Variants in PCSK4 observed in about 807,000 individuals in gnomAD.
PCSK4 encodes the protein testicular tissue protein Li 135.
PCSK4 carries 64 observed loss-of-function variants against 80.3 expected under a neutral mutation model. The observed-to-expected ratio is 0.80, with a 90% CI of 0.65 to 0.98. PCSK4 has a LOEUF of 0.98. PCSK4 is among the 50% of genes least tolerant of loss of function. PCSK4 has a pLI of 0.00. For synonymous variants in PCSK4, 561 were observed against 487.6 expected, an observed-to-expected ratio of 1.15 and a Z score of -1.98; for missense variants, 1,213 against 1,093.6, an observed-to-expected ratio of 1.11 and a Z score of -1.54.
rs775882940 is a variant in PCSK4 at position 1,482,193 on chromosome 19, C to T, written c.1834G>A (p.Ala612Thr). ...AGGCAGAGCTGTCCCAGGATGTAGGCGGGGCCGTCACACGCTGCTCGGGGA... is the reference window on the plus strand; with the variant it reads ...AGGCAGAGCTGTCCCAGGATGTAGGTGGGGCCGTCACACGCTGCTCGGGGA... The change falls in exon 15 of 15, where the codon GCC becomes ACC. Residue 612 changes from alanine (A) to threonine (T), a missense_variant. Ala to Thr is a moderately conservative substitution (Grantham distance 58). Transcript: ENST00000300954. 5.4e-5 allele frequency: 84 copies of T among 1,542,498 alleles called. No individual in the cohort carries two copies. In the African/African-American group the frequency reaches 7.4e-4, roughly 14 times the overall value.
intron 9 of PCSK4, 39 bp downstream of exon 9, chr19:1,483,988 G>T: frequency 6.8e-7 from 1 of 1,478,292 alleles, no homozygotes; most frequent in Non-Finnish European, 9.0e-7. Flanking sequence ...GGCCGCGCCT[G>T]GGGGCGAGGG....
At chr19:1,488,338 G>A in intron 2 of PCSK4, 58 bp from the exon 3 acceptor site, 17 of 1,354,650 alleles carry the variant, frequency 1.3e-5, no homozygotes, top group Non-Finnish European at 1.2e-5. Flanking sequence ...GCCCCTCGTG[G>A]TTCAGGGAGT....
chr19:1,482,061 A>C, exon 15 of PCSK4: 1 of 1,556,498 alleles, frequency 6.4e-7, no homozygotes, highest in South Asian at 1.2e-5. Flanking sequence ...CAGGTGTAGC[A>C]GGAGGCATGG....
chr19:1,483,635 G>T lies in PCSK4; in HGVS notation c.1391+15C>A. ...CCCCCAGCGGGGATAGCGGAGGGGC[G>T]CGCAGGGGTCTCACGTGGGGCGGCT... On this transcript the variant is annotated intron_variant, in intron 11 of 14. Coordinates refer to ENST00000300954, the Ensembl canonical transcript of PCSK4. The T allele has an allele frequency of 6.4e-7, 1 of 1,559,974 alleles. No individual in the cohort carries two copies. The highest frequency in any genetic ancestry group is 8.7e-7 in the Non-Finnish European group (1 of 1,153,608).
At chr19:1,485,109 C>G (rs560687298) in intron 8 of PCSK4, among the ~76,000 whole-genome samples, 1 of 152,014 alleles carries the variant, frequency 6.6e-6, no homozygotes, top group East Asian at 1.9e-4. Flanking sequence ...GATTGCACCA[C>G]TGCACTCCAA....
At chr19:1,488,441 C>T (rs962585095) in intron 2 of PCSK4, among the ~76,000 whole-genome samples, 161 bp from the exon 3 acceptor site, 16 of 152,198 alleles carry the variant, frequency 1.1e-4, no homozygotes, top group African/African-American at 1.7e-4. Flanking sequence ...CGGAAGGGGT[C>T]GAGGCTTTTG....
chr19:1,483,091 G>T (rs2145330455), intron 12 of PCSK4, 71 bp from the exon 13 acceptor site: 3 of 1,416,602 alleles, frequency 2.1e-6, no homozygotes, highest in East Asian at 4.9e-5. Flanking sequence ...AGAGCCCCAT[G>T]AAGTGTCTGA....
chr19:1,487,205 T>C (rs1367249470), exon 7 of PCSK4: 2 of 1,608,142 alleles, frequency 1.2e-6, no homozygotes, highest in Admixed American at 3.3e-5. Context: ...CGTGCGGCCG[T>C]CGTCCTCGGG....
chr19:1,482,089 C>T (rs773305425), exon 15 of PCSK4: 1 of 1,550,960 alleles, frequency 6.4e-7, no homozygotes, highest in Non-Finnish European at 8.7e-7. Context: ...AGCAGACCCT[C>T]AGCGCGGGCG....
exon 15 of PCSK4, chr19:1,481,605 C>A: frequency 1.9e-6 from 1 of 520,604 alleles, no homozygotes; most frequent in Non-Finnish European, 3.3e-6. Flanking sequence ...CTCTCTCTCC[C>A]GCCAGGCTTC....
chr19:1,481,959 CG>C lies in PCSK4; in HGVS notation c.2067del (p.Asp690ThrfsTer23). 6.3e-7 allele frequency: 1 copy of C among 1,592,686 alleles called. No individual in the cohort carries two copies. Among genetic ancestry groups the C allele is most frequent in the South Asian group, 1.1e-5 (1 of 89,488 alleles). ...GCAGCTCTAAGCCGGGGGCGGCTGT[CG>C]GGGGTGGTGGGTCCCATGCAGGAGC... On this transcript the variant is annotated frameshift_variant, in exon 15 of 15. Transcript: ENST00000300954. LOFTEE classifies it low-confidence loss of function (END_TRUNC).
chr19:1,488,333 T>C (rs1384026774), intron 2 of PCSK4, 53 bp from the exon 3 acceptor site: 52 of 1,448,204 alleles, frequency 3.6e-5, no homozygotes, highest in South Asian at 4.7e-5. Flanking sequence ...CTGGGGCCCC[T>C]CGTGGTTCAG....
chr19:1,486,880 G>C (rs767094261), exon 8 of PCSK4: 6 of 1,599,572 alleles, frequency 3.8e-6, no homozygotes, highest in Non-Finnish European at 5.1e-6. Flanking sequence ...CCACGCCGCT[G>C]CTGTAGGTGG....
Position 1,487,058 on chromosome 19 carries a change from CCG to C in PCSK4, c.861_862del (p.Gly288ArgfsTer243). ...CCAGATGAAGAGCGTGCCCAGCCCG[CCG>C]CGGCCCTGGGAAACCAGGAGGGGCG... On this transcript the variant is annotated frameshift_variant, in exon 8 of 15. Transcript: ENST00000300954. LOFTEE classifies it high-confidence loss of function. 6.2e-7 allele frequency: 1 copy of C among 1,605,536 alleles called. No homozygotes were observed. The highest frequency in any genetic ancestry group is 1.1e-5 in the South Asian group (1 of 91,052).
rs776768934 is a variant in PCSK4, at chr19:1,490,353, G to A, written c.-7C>T. 1.8e-6 allele frequency: 2 copies of A among 1,134,332 alleles called. No homozygotes were observed. Among genetic ancestry groups the A allele is most frequent in the South Asian group, 3.1e-5 (2 of 64,658 alleles). 70.3% of individuals were successfully genotyped at this position (1,134,332 alleles called of 1,614,324 possible). A position where few individuals can be genotyped will look rare whatever the true frequency, so the allele number is the denominator to read the frequency against. ...CAATCGGGGCGGGCCGCATGGAGGC[G>A]GGGCGGGAGCGGGGCCTGCGCAAAT... On this transcript the variant is annotated 5_prime_UTR_variant, in exon 1 of 15. Coordinates refer to ENST00000300954, the Ensembl canonical transcript of PCSK4.
At position 1,487,081 on chromosome 19, in the gene PCSK4, G is replaced by A. The variant is rs2084661195; in HGVS notation, c.856-16C>T. The A allele has an allele frequency of 1.2e-6, 2 of 1,602,922 alleles. No individual in the cohort carries two copies. Among genetic ancestry groups the A allele is most frequent in the African/African-American group, 1.3e-5 (1 of 74,734 alleles). ...CGCCGCGGCCCTGGGAAACCAGGAG[G>A]GGCGGGGAGGGGGCGTCGGCCTGGC... On this transcript the variant is annotated splice_polypyrimidine_tract_variant and intron_variant, in intron 7 of 14. Transcript: ENST00000300954.
At chr19:1,487,115 C>T (rs1395991520) in intron 7 of PCSK4, 26 bp downstream of exon 7, 1 of 1,602,472 alleles carries the variant, frequency 6.2e-7, no homozygotes, top group South Asian at 1.1e-5. Context: ...GCCTGCCACC[C>T]CTGCCCTCCT....
intron 8 of PCSK4, among the ~76,000 whole-genome samples, chr19:1,486,288 TATTG>T (rs537336632): frequency 1.1e-4 from 16 of 149,892 alleles, no homozygotes; most frequent in African/African-American, 3.2e-4. Context: ...GGATTTGGGT[TATTG>T]ATTGATTGAT....
At chr19:1,489,944 G>C (rs1014641116) in intron 1 of PCSK4, 47 bp from the exon 2 acceptor site, 4 of 1,562,360 alleles carry the variant, frequency 2.6e-6, no homozygotes, top group Non-Finnish European at 3.5e-6. Context: ...CGGCTCCCCT[G>C]CTGAAGCCCC....
Sources: gnomAD v4.1 joint callset for allele counts (sites outside exome capture counted in the v4.1 genomes callset) on GRCh38, gnomAD v4.1.1 for gene constraint, MANE v1.5 for transcripts, NCBI Gene and HGNC (gene_info 2026-07-23, HGNC 2026-07-21) for gene names.